Variants in UGT1A6 observed in about 807,000 individuals in gnomAD.
The protein encoded by UGT1A6 is UDP-glucuronosyltransferase 1A6.
A neutral mutation model predicts 44.4 loss-of-function variants in UGT1A6; 32 were observed. The observed-to-expected ratio is 0.72, with a 90% confidence interval of 0.54 to 0.97. The LOEUF (loss-of-function observed/expected upper bound fraction) is 0.97. UGT1A6 is among the 50% of genes least tolerant of loss of function. The probability of loss-of-function intolerance (pLI) is 0.00; values close to 1 mark genes in which losing one functional copy is unlikely to be tolerated. For missense variants in UGT1A6, 685 were observed against 661.9 expected, an observed-to-expected ratio of 1.03 and a Z score of -0.38; for synonymous variants, 238 against 248.5, an observed-to-expected ratio of 0.96 and a Z score of 0.40.
chr2:233,707,545 T>A (rs1006083249), intron 1 of UGT1A6, among the ~76,000 whole-genome samples: 1 of 152,170 alleles, frequency 6.6e-6, no homozygotes, highest in African/African-American at 2.4e-5. Flanking sequence ...TGCCTTTTTT[T>A]TTTTTTTGGT....
chr2:233,745,215 C>A (rs1693043227), intron 1 of UGT1A6, among the ~76,000 whole-genome samples: 1 of 151,738 alleles, frequency 6.6e-6, no homozygotes, highest in African/African-American at 2.4e-5. Context: ...TCCTCTCAGA[C>A]AAAAGGAAAT....
intron 2 of UGT1A6, among the ~76,000 whole-genome samples, chr2:233,767,578 TTCCCTTAAAGTGC>T (rs1361254822): frequency 6.6e-6 from 1 of 152,218 alleles, no homozygotes; most frequent in African/African-American, 2.4e-5. Context: ...TAAGCAAACT[TTCCCTTAAAGTGC>T]AGGAAAGTGA....
Position 233,729,933 on chromosome 2 carries a change from C to T in UGT1A6, c.861+36068C>T, listed in dbSNP as rs759524268. The T allele has an allele frequency of 1.9e-5, 31 of 1,614,088 alleles. No homozygotes were observed. The African/African-American group carries it at 3.9e-4, about 20-fold the overall frequency. Reference sequence around the variant, plus strand: ...TTGTGATGGACTACCCCAGGCCAATCATGCCCAACATGGTCTTCATTGGGG... The same window carrying T: ...TTGTGATGGACTACCCCAGGCCAATTATGCCCAACATGGTCTTCATTGGGG... On this transcript the variant is annotated intron_variant, in intron 1 of 4. Transcript: ENST00000305139.
At chr2:233,760,294 G>A (rs1697387669) in intron 1 of UGT1A6, 1 of 1,613,420 alleles carries the variant, frequency 6.2e-7, no homozygotes, top group East Asian at 2.2e-5. Context: ...CGCCATGGCT[G>A]TGGAGTCCCA....
intron 4 of UGT1A6, 31 bp downstream of exon 4, chr2:233,768,470 G>A: frequency 6.2e-7 from 1 of 1,602,840 alleles, no homozygotes; most frequent in Non-Finnish European, 8.5e-7. Flanking sequence ...GAATACTTTG[G>A]TCATGGCATT....
chr2:233,769,675 G>A lies in UGT1A6; in HGVS notation c.1301+1236G>A, dbSNP rs1044597905. 16 of 1,578,848 alleles carry A rather than the reference G, an allele frequency of 1.0e-5. No homozygotes were observed. The highest frequency in any genetic ancestry group is 1.4e-5 in the Non-Finnish European group (16 of 1,162,352). ...CTTCCCACCTTTGAGGTGCTAATGT[G>A]TGTGTGGTGGCACTGGATAAAAGAT... On this transcript the variant is annotated intron_variant, in intron 4 of 4. Coordinates refer to ENST00000305139, the MANE Select transcript of UGT1A6 (RefSeq NM_001072.4). The surrounding 1 kb of genome is among the most constrained non-coding windows in gnomAD (Gnocchi z 4.4).
intron 1 of UGT1A6, chr2:233,760,629 G>C: frequency 1.2e-6 from 2 of 1,614,104 alleles, no homozygotes; most frequent in Non-Finnish European, 1.7e-6. Context: ...AAACATACAA[G>C]AAAATAAAAA....
At chr2:233,747,462 T>G (rs1386153404) in intron 1 of UGT1A6, 32 of 1,608,940 alleles carry the variant, frequency 2.0e-5, no homozygotes, top group Non-Finnish European at 1.7e-5. Flanking sequence ...TGCCATTTCA[T>G]GGACCCAGGA....
chr2:233,729,699 C>A lies in UGT1A6; in HGVS notation c.861+35834C>A, dbSNP rs184386098. On this transcript the variant is annotated intron_variant, in intron 1 of 4. Coordinates refer to ENST00000305139, the MANE Select transcript of UGT1A6 (RefSeq NM_001072.4). Reference sequence around the variant, plus strand: ...AGGGCACACAGTGTCCAAACCCTTCCTCCTATATTCCTAGATTACTAACAA... The same window carrying A: ...AGGGCACACAGTGTCCAAACCCTTCATCCTATATTCCTAGATTACTAACAA... 39 of 1,613,944 alleles carry A rather than the reference C, an allele frequency of 2.4e-5. No homozygotes were observed. The East Asian group carries it at 8.7e-4, about 36-fold the overall frequency.
chr2:233,728,881 C>T (rs529466232), intron 1 of UGT1A6, among the ~76,000 whole-genome samples: 1 of 152,166 alleles, frequency 6.6e-6, no homozygotes. Flanking sequence ...TTGGATGTTC[C>T]CCAGAGTGAG....
At chr2:233,704,638 TG>T (rs1478275517) in intron 1 of UGT1A6, among the ~76,000 whole-genome samples, 3 of 152,208 alleles carry the variant, frequency 2.0e-5, no homozygotes, top group Non-Finnish European at 4.4e-5. Context: ...TTAACCTTTT[TG>T]CTTATCATTT....
chr2:233,760,868 C>T (rs1697593103), intron 1 of UGT1A6: 1 of 1,614,100 alleles, frequency 6.2e-7, no homozygotes, highest in East Asian at 2.2e-5. Flanking sequence ...TCCTACGTGC[C>T]CAGGCCTCTC....
chr2:233,699,343 G>A (rs2075499998), intron 1 of UGT1A6, among the ~76,000 whole-genome samples: 2 of 152,144 alleles, frequency 1.3e-5, no homozygotes. Flanking sequence ...CCACCCTAGG[G>A]CTAACCTCTT....
intron 1 of UGT1A6, chr2:233,747,094 A>T: frequency 7.8e-7 from 1 of 1,281,688 alleles, no homozygotes; most frequent in Non-Finnish European, 1.1e-6. Flanking sequence ...AGAGCACTCT[A>T]TCTTCCAATT....
chr2:233,743,959 C>G (rs371517697), intron 1 of UGT1A6: 3 of 1,333,990 alleles, frequency 2.2e-6, no homozygotes, highest in Admixed American at 2.0e-5. Flanking sequence ...GCACAGCGAG[C>G]GGCAAGGCTG....
intron 1 of UGT1A6, among the ~76,000 whole-genome samples, chr2:233,764,942 G>T (rs12479045): frequency 6.6e-6 from 1 of 152,080 alleles, no homozygotes; most frequent in African/African-American, 2.4e-5. Flanking sequence ...TGAGAGTGGC[G>T]GGGAGAGAGG....
chr2:233,711,161 T>C (rs2076166477), intron 1 of UGT1A6, among the ~76,000 whole-genome samples: 4 of 152,226 alleles, frequency 2.6e-5, no homozygotes, highest in African/African-American at 4.8e-5. Context: ...TCCTATTTCC[T>C]GGGCACCAGG....
intron 1 of UGT1A6, among the ~76,000 whole-genome samples, chr2:233,763,949 C>T (rs1698436640): frequency 6.6e-6 from 1 of 152,024 alleles, no homozygotes; most frequent in African/African-American, 2.4e-5. Flanking sequence ...AGCTTGGGAG[C>T]AGGGAAGGTT....
At chr2:233,755,164 G>C in intron 1 of UGT1A6, 1 of 1,277,322 alleles carries the variant, frequency 7.8e-7, no homozygotes, top group Non-Finnish European at 1.1e-6. Flanking sequence ...CTGTCCTCGG[G>C]GTTTTTGTCG....
Sources: allele counts gnomAD v4.1 joint callset (sites outside exome capture counted in the v4.1 genomes callset), GRCh38; gene constraint gnomAD v4.1.1; non-coding constraint Gnocchi (gnomAD v3.1); transcripts MANE v1.5; gene names NCBI Gene and HGNC (gene_info 2026-07-23, HGNC 2026-07-21).